GAPVD1: variants seen among roughly 807,000 people sequenced by gnomAD.
The protein encoded by GAPVD1 is GTPase activating protein and VPS9 domains 1.
Under a neutral mutation model 155.5 loss-of-function variants are expected in GAPVD1, and 35 were observed. The ratio of observed to expected loss-of-function variants is 0.23; its 90% CI spans 0.17 to 0.30. GAPVD1 has a LOEUF of 0.30. GAPVD1 is among the 10% of genes least tolerant of loss of function. The pLI, the probability that GAPVD1 is intolerant of heterozygous loss-of-function variation, is 1.00. For synonymous variants in GAPVD1, 636 were observed against 619.7 expected (o/e 1.03, Z -0.39); for missense variants, 1,429 against 1,775.7 (o/e 0.80, Z 3.51).
At chr9:125,294,011 C>G (rs1206531971) in intron 2 of GAPVD1, among the ~76,000 whole-genome samples, 2 of 149,422 alleles carry the variant, frequency 1.3e-5, no homozygotes, top group Non-Finnish European at 3.0e-5. Flanking sequence ...CTCCTGGCTT[C>G]AAGCGATTCT....
At chr9:125,345,382 T>C (rs1387298873) in intron 19 of GAPVD1, among the ~76,000 whole-genome samples, 2 of 152,170 alleles carry the variant, frequency 1.3e-5, no homozygotes, top group African/African-American at 4.8e-5. Flanking sequence ...GGTTTCGCCA[T>C]GTTGGCCAGG....
At chr9:125,337,979 G>C (rs1371223355) in intron 17 of GAPVD1, among the ~76,000 whole-genome samples, 1 of 152,124 alleles carries the variant, frequency 6.6e-6, no homozygotes, top group Non-Finnish European at 1.5e-5. Context: ...AGGTTCAAGC[G>C]ATTCCTCTGC....
intron 2 of GAPVD1, among the ~76,000 whole-genome samples, chr9:125,285,031 C>T (rs376500799): frequency 1.1e-4 from 17 of 152,110 alleles, no homozygotes; most frequent in Non-Finnish European, 2.2e-4. Context: ...CTGTGCTTTG[C>T]GTTAGAGTAG....
chr9:125,308,185 A>G (rs1842139663), intron 8 of GAPVD1: 4 of 450,046 alleles, frequency 8.9e-6, no homozygotes, highest in East Asian at 7.6e-5. Context: ...CATCTTTAAA[A>G]CTATGTAGCC....
chr9:125,301,871 C>G, intron 4 of GAPVD1, 112 bp from the exon 5 acceptor site: 1 of 856,826 alleles, frequency 1.2e-6, no homozygotes, highest in South Asian at 2.2e-5. Context: ...TCAGAGTGAC[C>G]TCATTGTTGG....
chr9:125,362,304 G>A (rs537857028), intron 27 of GAPVD1, among the ~76,000 whole-genome samples: 2 of 152,106 alleles, frequency 1.3e-5, no homozygotes, highest in Non-Finnish European at 2.9e-5. Context: ...GAAATCCGGG[G>A]ATGTTGAGTA....
At chr9:125,309,867 A>G in intron 8 of GAPVD1, 1 of 391,432 alleles carries the variant, frequency 2.6e-6, no homozygotes. Flanking sequence ...TTCGTATCTT[A>G]ACAAATCTGT....
chr9:125,337,066 C>T lies in GAPVD1; in HGVS notation c.2477C>T (p.Ala826Val). 6.2e-7 allele frequency: 1 copy of T among 1,612,890 alleles called. No individual in the cohort carries two copies. Among genetic ancestry groups the T allele is most frequent in the Non-Finnish European group, 8.5e-7 (1 of 1,178,892 alleles). The stretch of plus-strand genomic sequence containing the variant: ...CCTTCTCAGTCAGAGTCTCTGCTGG[C>T]CATGTTTGATCCACTGTCTTCACAT... ...SPPSQSESLL[A>V]MFDPLSSHEG... Residue 826 changes from alanine (A) to valine (V), a missense_variant, in exon 16 of 28, where the codon GCC (alanine) becomes GTC (valine). Physicochemically the swap from Ala to Val is moderately conservative, Grantham distance 64. Around this residue, in one of 4 missense-constraint regions of GAPVD1, gnomAD observed 699 missense variants for 826.0 expected, o/e 0.85. Transcript: ENST00000297933.
In GAPVD1 at chr9:125,364,412, T is replaced by G. The variant is rs1452949954; in HGVS notation, c.*1666T>G. The G allele has an allele frequency of 6.6e-6, 1 of 152,120 alleles. No individual in the cohort carries two copies. The highest frequency in any genetic ancestry group is 2.4e-5 in the African/African-American group (1 of 41,402). 9.4% of individuals were successfully genotyped at this position (152,120 alleles called of 1,614,324 possible). ...GGCGCATGTCACCAAGCCCGGCTAA[T>G]TTTTGTATTTTTAGTAGAAACGGGG... On this transcript the variant is annotated 3_prime_UTR_variant, in exon 28 of 28. Coordinates refer to ENST00000297933, the MANE Select transcript of GAPVD1 (RefSeq NM_001282680.3).
intron 17 of GAPVD1, among the ~76,000 whole-genome samples, chr9:125,337,940 A>G (rs936123144): frequency 1.3e-5 from 2 of 152,170 alleles, no homozygotes; most frequent in Non-Finnish European, 2.9e-5. Context: ...CAGTGGTGCA[A>G]TCTTGGCTTA....
Position 125,346,955 on chromosome 9 carries a change from C to A in GAPVD1, c.3169+14C>A. 1 of 1,611,960 alleles carries A rather than the reference C, an allele frequency of 6.2e-7. No homozygotes were observed. Among genetic ancestry groups the A allele is most frequent in the South Asian group, 1.1e-5 (1 of 90,992 alleles). ...ATGAAAGTACAGGTGATAATCATGA[C>A]AGAGATTTGAGTAGTAAACTTTTAT... is the stretch of plus-strand genomic sequence containing the variant. On this transcript the variant is annotated intron_variant, in intron 20 of 27. Coordinates refer to ENST00000297933, the MANE Select transcript of GAPVD1 (RefSeq NM_001282680.3).
At chr9:125,339,316 T>G (rs976677639) in intron 17 of GAPVD1, among the ~76,000 whole-genome samples, 2 of 152,058 alleles carry the variant, frequency 1.3e-5, no homozygotes, top group African/African-American at 2.4e-5. Context: ...TGGTTAGGGT[T>G]TGTCACTATT....
intron 8 of GAPVD1, chr9:125,309,163 T>G (rs1842295494): frequency 6.6e-6 from 1 of 152,196 alleles, no homozygotes; most frequent in East Asian, 1.9e-4. Context: ...AACTGCCAGT[T>G]TCTTAAAATT....
rs1295250894 is a variant in GAPVD1 at position 125,365,374 on chromosome 9, C to A, written c.*2628C>A. On this transcript the variant is annotated 3_prime_UTR_variant, in exon 28 of 28. Transcript: ENST00000297933. ...AATAGTTGTTCCCCAAATGTTTCTT[C>A]CTCCACTGCCTTCCAGTACTTTCTT... is the stretch of plus-strand genomic sequence containing the variant. 1 of 149,416 alleles carries A rather than the reference C, an allele frequency of 6.7e-6. No homozygotes were observed. Among genetic ancestry groups the A allele is most frequent in the African/African-American group, 2.5e-5 (1 of 40,496 alleles). The allele number at this position is 149,416 out of a possible 1,614,324, so 9.3% of individuals were successfully genotyped here. A position where few individuals can be genotyped will look rare whatever the true frequency, so the allele number is the denominator to read the frequency against.
intron 1 of GAPVD1, among the ~76,000 whole-genome samples, chr9:125,268,701 C>T (rs1003723594): frequency 1.3e-5 from 2 of 151,774 alleles, no homozygotes; most frequent in African/African-American, 2.4e-5. Flanking sequence ...TTTGACCAGA[C>T]GAGTTTTAAA....
chr9:125,325,120 A>C (rs1295106788), intron 11 of GAPVD1, among the ~76,000 whole-genome samples: 1 of 151,790 alleles, frequency 6.6e-6, no homozygotes, highest in African/African-American at 2.4e-5. Flanking sequence ...AGCTACTCAG[A>C]AGGCTGAGGC....
At chr9:125,332,129 A>G (rs1846182173) in intron 14 of GAPVD1, 69 bp downstream of exon 14, 2 of 1,394,792 alleles carry the variant, frequency 1.4e-6, no homozygotes, top group African/African-American at 1.4e-5. Context: ...CTATTTATAA[A>G]GTTGATACAA....
At chr9:125,315,552 T>G (rs1029868144) in intron 9 of GAPVD1, among the ~76,000 whole-genome samples, 22 of 152,158 alleles carry the variant, frequency 1.4e-4, no homozygotes, top group Non-Finnish European at 2.6e-4. Flanking sequence ...TGGTAGGTCC[T>G]GAAAGATCGT....
chr9:125,354,916 T>C, intron 24 of GAPVD1, 75 bp downstream of exon 24: 1 of 1,043,176 alleles, frequency 9.6e-7, no homozygotes. Context: ...ACTGTTTTGT[T>C]TTGCTAGTTT....
Sources: gnomAD v4.1 joint callset for allele counts (sites outside exome capture counted in the v4.1 genomes callset) on GRCh38, gnomAD v4.1.1 for gene constraint, gnomAD v4.1.1 regional missense constraint, MANE v1.5 for transcripts, NCBI Gene and HGNC (gene_info 2026-07-23, HGNC 2026-07-21) for gene names.